The following KLF12 variants were observed in gnomAD, a reference collection of about 807,000 sequenced individuals.
The protein encoded by KLF12 is KLF transcription factor 12.
A neutral mutation model predicts 37.8 loss-of-function variants in KLF12; 9 were observed. The observed-to-expected ratio is 0.24, with a 90% CI of 0.14 to 0.42. The LOEUF (loss-of-function observed/expected upper bound fraction) is 0.42. Ranked by LOEUF, KLF12 falls within the 10% of genes least tolerant of loss-of-function variation. KLF12 has a pLI of 1.00. For synonymous variants in KLF12, 208 were observed against 202.1 expected (o/e 1.03, Z -0.25); for missense variants, 411 against 516.0 (o/e 0.80, Z 1.97).
At chr13:73,984,668 T>A (rs191452341) in intron 2 of KLF12, among the ~76,000 whole-genome samples, 1 of 152,240 alleles carries the variant, frequency 6.6e-6, no homozygotes, top group East Asian at 1.9e-4. Context: ...CCTACCATCA[T>A]AGGAGGTCAA....
chr13:74,147,440 G>T, the KLF12 span, among the ~76,000 whole-genome samples: 12 of 152,202 alleles, frequency 7.9e-5, no homozygotes, highest in Non-Finnish European at 1.5e-4. Context: ...TGCAGTGGCT[G>T]TTAATTTGTT....
intron 6 of KLF12, among the ~76,000 whole-genome samples, chr13:73,749,717 G>GT (rs1040363626): frequency 1.3e-5 from 2 of 152,278 alleles, no homozygotes; most frequent in Non-Finnish European, 2.9e-5. Flanking sequence ...TCAGGTGGAG[G>GT]TAAGAATTAG....
intron 2 of KLF12, among the ~76,000 whole-genome samples, chr13:73,972,172 T>C (rs945769985): frequency 6.6e-6 from 1 of 152,158 alleles, no homozygotes; most frequent in Admixed American, 6.6e-5. Context: ...CACAGCAACA[T>C]GTTAAAAGAT....
At chr13:73,762,953 C>T (rs1344488621) in intron 6 of KLF12, among the ~76,000 whole-genome samples, 3 of 152,136 alleles carry the variant, frequency 2.0e-5, no homozygotes, top group East Asian at 3.9e-4. Flanking sequence ...GACCAAATAA[C>T]GTACACGTAT....
In KLF12 at chr13:73,693,459, C is replaced by A. The variant is rs1873931999; in HGVS notation, c.*2031G>T. On this transcript the variant is annotated 3_prime_UTR_variant, in exon 8 of 8. Coordinates refer to ENST00000377669, the MANE Select transcript of KLF12 (RefSeq NM_007249.5). ...GAGACCTGGCAGACAATATAGAGCACATATTTGTGAAGCCATAATTTGACC... is the reference window on the plus strand; with the variant it reads ...GAGACCTGGCAGACAATATAGAGCAAATATTTGTGAAGCCATAATTTGACC... The A allele has an allele frequency of 6.6e-6, 1 of 152,176 alleles. No homozygotes were observed. The highest frequency in any genetic ancestry group is 6.5e-5 in the Admixed American group (1 of 15,284). The allele number at this position is 152,176 out of a possible 1,614,324, so 9.4% of individuals were successfully genotyped here.
At chr13:74,048,513 T>TA (rs1167738379) in intron 1 of KLF12, among the ~76,000 whole-genome samples, 1 of 152,118 alleles carries the variant, frequency 6.6e-6, no homozygotes, top group Non-Finnish European at 1.5e-5. Flanking sequence ...GACACATACT[T>TA]AGAGAACAGA....
chr13:74,075,775 T>C (rs12870622), intron 1 of KLF12, among the ~76,000 whole-genome samples: 3,270 of 152,256 alleles, frequency 0.021, 51 homozygotes, highest in Middle Eastern at 0.037. Context: ...AAGACACTGA[T>C]ATAACAACAA....
chr13:74,122,787 C>A (rs1209199721), intron 1 of KLF12, among the ~76,000 whole-genome samples: 1 of 151,910 alleles, frequency 6.6e-6, no homozygotes, highest in Non-Finnish European at 1.5e-5. Flanking sequence ...CAAAAAAACT[C>A]CTTCCATTTT....
At chr13:73,738,092 C>CAA (rs1877613165) in intron 6 of KLF12, among the ~76,000 whole-genome samples, 1 of 116,756 alleles carries the variant, frequency 8.6e-6, no homozygotes. Context: ...TGTATGTGTA[C>CAA]ATATATATAT....
the KLF12 span, among the ~76,000 whole-genome samples, chr13:74,222,431 G>A: frequency 6.6e-6 from 1 of 152,248 alleles, no homozygotes; most frequent in East Asian, 1.9e-4. Context: ...GTGTGTTTCT[G>A]GGATATTTAT....
chr13:73,872,204 G>A (rs1420340539), intron 3 of KLF12, among the ~76,000 whole-genome samples: 1 of 152,012 alleles, frequency 6.6e-6, no homozygotes, highest in Non-Finnish European at 1.5e-5. Context: ...CTGGCCATTT[G>A]CACTGCAAAT....
the KLF12 span, among the ~76,000 whole-genome samples, chr13:74,199,702 G>A: frequency 6.0e-3 from 911 of 152,298 alleles, 8 homozygotes; most frequent in Non-Finnish European, 8.6e-3. Context: ...CATGTTGATT[G>A]TCAATAACGT....
chr13:74,187,431 G>A, the KLF12 span, among the ~76,000 whole-genome samples: 2 of 152,166 alleles, frequency 1.3e-5, no homozygotes, highest in Admixed American at 6.5e-5. Context: ...GTTTGTAACC[G>A]GGGATAACCA....
chr13:74,199,137 C>A, the KLF12 span, among the ~76,000 whole-genome samples: 1 of 152,160 alleles, frequency 6.6e-6, no homozygotes, highest in African/African-American at 2.4e-5. Flanking sequence ...GAAGTCAGTG[C>A]GGATCGAAAG....
rs34174554 is a variant in KLF12 at position 73,764,477 on chromosome 13, T to TA, written c.869+460dup. The stretch of plus-strand genomic sequence containing the variant: ...AAGAAGATCTTAGTACTCCCCAAAT[T>TA]AAAAAAAAAAAAAATCCTGGATATT... On this transcript the variant is annotated intron_variant, in intron 6 of 7. Transcript: ENST00000377669. Among the ~76,000 whole-genome samples, 92 of 148,574 alleles carry TA rather than the reference T, an allele frequency of 6.2e-4. 1 individual carries two copies. The highest frequency in any genetic ancestry group is 2.2e-3 in the African/African-American group (87 of 40,062).
intron 3 of KLF12, among the ~76,000 whole-genome samples, chr13:73,864,058 T>C (rs911182823): frequency 2.0e-5 from 3 of 152,168 alleles, no homozygotes; most frequent in African/African-American, 2.4e-5. Flanking sequence ...CAGTTTTCCA[T>C]TAATAATATA....
At chr13:74,134,357 G>A (rs1210905306), upstream of KLF12, among the ~76,000 whole-genome samples, 1 of 152,076 alleles carries the variant, frequency 6.6e-6, no homozygotes, top group East Asian at 1.9e-4. Flanking sequence ...CATAAAATGG[G>A]GCCCCCGAGC....
At chr13:74,092,970 C>A (rs1875766679) in intron 1 of KLF12, among the ~76,000 whole-genome samples, 1 of 152,140 alleles carries the variant, frequency 6.6e-6, no homozygotes, top group Admixed American at 6.5e-5. Flanking sequence ...ACAAAAAATC[C>A]AGACAACTTC....
intron 6 of KLF12, 27 bp from the exon 7 acceptor site, chr13:73,715,552 C>A (rs553431149): frequency 1.2e-6 from 2 of 1,608,640 alleles, no homozygotes; most frequent in Non-Finnish European, 1.7e-6. Flanking sequence ...TGGAGTTACA[C>A]GGTGAGATGC....
Sources: gnomAD v4.1 joint callset for allele counts (sites outside exome capture counted in the v4.1 genomes callset) on GRCh38, gnomAD v4.1.1 for gene constraint, MANE v1.5 for transcripts, NCBI Gene and HGNC (gene_info 2026-07-23, HGNC 2026-07-21) for gene names.